Variants in TAFA2 observed in about 807,000 individuals in gnomAD.
The protein encoded by TAFA2 is TAFA chemokine like family member 2, also known as chemokine-like protein TAFA-2.
TAFA2 carries 7 observed loss-of-function variants against 18.8 expected under a neutral mutation model. The observed-to-expected ratio is 0.37, with a 90% CI of 0.21 to 0.70. The LOEUF is 0.70. Among genes scored for constraint, TAFA2 ranks in the 30% least tolerant of loss-of-function variants. The pLI is 0.53. For missense variants in TAFA2, 122 were observed against 158.1 expected, an observed-to-expected ratio of 0.77 and a Z score of 1.23; for synonymous variants, 60 against 54.2, an observed-to-expected ratio of 1.11 and a Z score of -0.47.
intron 1 of TAFA2, among the ~76,000 whole-genome samples, chr12:62,076,802 C>A (rs991538741): frequency 6.6e-6 from 1 of 152,170 alleles, no homozygotes; most frequent in African/African-American, 2.4e-5. Context: ...ACGCAAATAT[C>A]TTCATGGGTT....
At chr12:61,850,894 G>A (rs944995358) in intron 2 of TAFA2, among the ~76,000 whole-genome samples, 1 of 152,008 alleles carries the variant, frequency 6.6e-6, no homozygotes, top group Non-Finnish European at 1.5e-5. Flanking sequence ...CTTAATGCTG[G>A]AACACCAGCG....
intron 2 of TAFA2, among the ~76,000 whole-genome samples, chr12:61,811,955 A>G (rs1164029580): frequency 6.6e-6 from 1 of 151,410 alleles, no homozygotes; most frequent in African/African-American, 2.5e-5. Context: ...TCAAGTATAG[A>G]TTGAACTAGT....
intron 1 of TAFA2, among the ~76,000 whole-genome samples, chr12:61,935,873 A>G (rs769770394): frequency 6.6e-6 from 1 of 152,096 alleles, no homozygotes; most frequent in Non-Finnish European, 1.5e-5. Flanking sequence ...AAACTTACCA[A>G]ACAAAAAGAT....
chr12:61,893,483 A>G (rs1875718270), intron 1 of TAFA2, among the ~76,000 whole-genome samples: 1 of 152,182 alleles, frequency 6.6e-6, no homozygotes, highest in African/African-American at 2.4e-5. Context: ...AATGGAAATG[A>G]TCTGGTAGAG....
chr12:61,841,406 G>A (rs1435662191), intron 2 of TAFA2, among the ~76,000 whole-genome samples: 3 of 152,008 alleles, frequency 2.0e-5, no homozygotes, highest in Admixed American at 6.6e-5. Flanking sequence ...TGAAGAGACT[G>A]GTCTTTCTCT....
rs528103690 is a variant in TAFA2 at position 62,101,325 on chromosome 12, A to G, written c.-2+89934T>C. ...ATCAAATTATCAAACTAATTCCTAA[A>G]TGAGTCTATAGGTGCTAAGAACTGA... On this transcript the variant is annotated intron_variant, in intron 1 of 4. Transcript: ENST00000416284. Among the ~76,000 whole-genome samples, 41 of 152,308 alleles carry G rather than the reference A, an allele frequency of 2.7e-4. 1 individual carries two copies. The South Asian group carries it at 8.3e-3, about 31-fold the overall frequency.
At chr12:61,998,379 T>A (rs531817945) in intron 1 of TAFA2, among the ~76,000 whole-genome samples, 1 of 152,276 alleles carries the variant, frequency 6.6e-6, no homozygotes, top group East Asian at 1.9e-4. Flanking sequence ...CCCCTTACCC[T>A]CATCTTAAAA....
chr12:62,032,072 A>G (rs1326668958), intron 1 of TAFA2, among the ~76,000 whole-genome samples: 2 of 152,190 alleles, frequency 1.3e-5, no homozygotes, highest in Non-Finnish European at 2.9e-5. Context: ...TTTGGCTGAA[A>G]AGTGCACTTA....
At chr12:62,024,697 G>A (rs1262654309) in intron 1 of TAFA2, among the ~76,000 whole-genome samples, 1 of 151,960 alleles carries the variant, frequency 6.6e-6, no homozygotes, top group Non-Finnish European at 1.5e-5. Flanking sequence ...GAAAATATGT[G>A]CAAACTATAC....
intron 4 of TAFA2, among the ~76,000 whole-genome samples, chr12:61,744,004 C>A (rs1316545715): frequency 6.6e-6 from 1 of 151,992 alleles, no homozygotes; most frequent in African/African-American, 2.4e-5. Flanking sequence ...TTTTATTAAG[C>A]CATTTTAGTA....
chr12:61,761,036 C>G (rs532165349), intron 2 of TAFA2, among the ~76,000 whole-genome samples: 80 of 151,976 alleles, frequency 5.3e-4, no homozygotes, highest in Non-Finnish European at 1.3e-4. Context: ...TTTCTGCCTT[C>G]CAAGGTTATG....
chr12:61,740,543 G>A (rs935337020), intron 4 of TAFA2, among the ~76,000 whole-genome samples: 1 of 151,870 alleles, frequency 6.6e-6, no homozygotes, highest in African/African-American at 2.4e-5. Flanking sequence ...ATGGGAAGGT[G>A]GGAGGGGAGT....
At chr12:61,767,871 T>C (rs777198018) in intron 2 of TAFA2, among the ~76,000 whole-genome samples, 9 of 152,112 alleles carry the variant, frequency 5.9e-5, no homozygotes, top group Non-Finnish European at 1.0e-4. Context: ...TTTTACACTG[T>C]CATCTCAACT....
At chr12:61,923,355 G>A (rs1045579739) in intron 1 of TAFA2, among the ~76,000 whole-genome samples, 3 of 152,174 alleles carry the variant, frequency 2.0e-5, no homozygotes, top group Non-Finnish European at 4.4e-5. Context: ...GCTGGCATAT[G>A]GCAGGTCCCC....
At chr12:62,104,945 C>A (rs1335155688) in intron 1 of TAFA2, 3 of 210,660 alleles carry the variant, frequency 1.4e-5, no homozygotes, top group South Asian at 1.1e-4. Context: ...GGTAAACTGA[C>A]AAAAAGTCTA....
intron 1 of TAFA2, among the ~76,000 whole-genome samples, chr12:62,011,219 C>T (rs2136713886): frequency 6.6e-6 from 1 of 152,294 alleles, no homozygotes; most frequent in Admixed American, 6.5e-5. Flanking sequence ...CCAGGCCGCC[C>T]TGTCTGGGAA....
At chr12:61,818,490 TAC>T (rs3034071) in intron 2 of TAFA2, among the ~76,000 whole-genome samples, 6,310 of 140,378 alleles carry the variant, frequency 0.045, 207 homozygotes, top group African/African-American at 0.097. Flanking sequence ...CTCAAAAAAA[TAC>T]ACACACACAC....
At chr12:62,223,954 T>C (rs1159696236) in intron 1 of TAFA2, among the ~76,000 whole-genome samples, 1 of 152,120 alleles carries the variant, frequency 6.6e-6, no homozygotes, top group Non-Finnish European at 1.5e-5. Context: ...CCAAAATCAT[T>C]GAAAGGAGGG....
chr12:62,135,457 C>G (rs1477969360), intron 1 of TAFA2, among the ~76,000 whole-genome samples: 1 of 151,998 alleles, frequency 6.6e-6, no homozygotes, highest in Non-Finnish European at 1.5e-5. Flanking sequence ...CTCAACTACT[C>G]AAGTAAAAAT....
Sources: allele counts gnomAD v4.1 joint callset (sites outside exome capture counted in the v4.1 genomes callset), GRCh38; gene constraint gnomAD v4.1.1; transcripts MANE v1.5; gene names NCBI Gene and HGNC (gene_info 2026-07-23, HGNC 2026-07-21).